NPAS3: variants seen among roughly 807,000 people sequenced by gnomAD.
NPAS3 encodes neuronal PAS domain-containing protein 3.
A neutral mutation model predicts 73.1 loss-of-function variants in NPAS3; 14 were observed. That is an observed-to-expected ratio of 0.19 (90% confidence interval 0.13 to 0.30). The LOEUF (loss-of-function observed/expected upper bound fraction) is 0.30. Ranked by LOEUF, NPAS3 falls within the 10% of genes least tolerant of loss-of-function variation. NPAS3 has a pLI of 1.00. For missense variants in NPAS3, 1,096 were observed against 1,250.0 expected (o/e 0.88, Z 1.86); for synonymous variants, 620 against 541.5 (o/e 1.14, Z -2.01).
intron 4 of NPAS3, among the ~76,000 whole-genome samples, chr14:33,519,892 G>A (rs1443166954): frequency 1.3e-5 from 2 of 152,086 alleles, no homozygotes; most frequent in African/African-American, 4.8e-5. Flanking sequence ...CTCCTTGGGA[G>A]GTACGTTAGG....
At chr14:33,129,846 T>C (rs7148802) in intron 2 of NPAS3, among the ~76,000 whole-genome samples, 31,887 of 152,070 alleles carry the variant, frequency 0.21, 3,499 homozygotes, top group African/African-American at 0.22. Flanking sequence ...AAAGAGAATT[T>C]GCGATAATTT....
At chr14:33,595,410 A>T (rs2057205121) in intron 5 of NPAS3, among the ~76,000 whole-genome samples, 1 of 152,208 alleles carries the variant, frequency 6.6e-6, no homozygotes, top group Non-Finnish European at 1.5e-5. Flanking sequence ...AAACTGGAGA[A>T]ATCGGCTGTA....
intron 4 of NPAS3, among the ~76,000 whole-genome samples, chr14:33,406,316 A>G (rs2047664180): frequency 6.6e-6 from 1 of 152,110 alleles, no homozygotes; most frequent in African/African-American, 2.4e-5. Context: ...AGTAGAGTGT[A>G]AAAGAGATGG....
At chr14:32,987,226 A>ATTTT (rs201588607) in intron 1 of NPAS3, among the ~76,000 whole-genome samples, 6 of 141,896 alleles carry the variant, frequency 4.2e-5, no homozygotes, top group African/African-American at 1.3e-4. Context: ...TTGTGTCAGA[A>ATTTT]TTTTTTTTTT....
intron 1 of NPAS3, among the ~76,000 whole-genome samples, chr14:33,037,958 C>T (rs181611977): frequency 5.2e-4 from 79 of 152,302 alleles, no homozygotes; most frequent in African/African-American, 1.7e-3. Context: ...GGCATCGGGT[C>T]TATAGAAGCA....
rs184593009 is a variant in NPAS3 at position 33,064,315 on chromosome 14, A to G, written c.140+8321A>G. ...AAGACATCTCTTTTAATGAGAAGAT[A>G]AACAATTAATATACCTCCCTTAATT... On this transcript the variant is annotated intron_variant, in intron 2 of 11. Coordinates refer to ENST00000356141, the Ensembl canonical transcript of NPAS3. 5.5e-3 allele frequency among the ~76,000 whole-genome samples: 842 copies of G among 152,356 alleles called. 3 individuals carry two copies. The highest frequency in any genetic ancestry group is 8.7e-3 in the Non-Finnish European group (590 of 68,036).
At chr14:33,600,367 G>A (rs1270472097) in intron 5 of NPAS3, among the ~76,000 whole-genome samples, 1 of 152,100 alleles carries the variant, frequency 6.6e-6, no homozygotes, top group Non-Finnish European at 1.5e-5. Context: ...TTCTCTTTAT[G>A]CATTTTCTCC....
At chr14:33,295,737 A>G (rs559882223) in intron 3 of NPAS3, among the ~76,000 whole-genome samples, 1 of 152,224 alleles carries the variant, frequency 6.6e-6, no homozygotes, top group Non-Finnish European at 1.5e-5. Context: ...AGAGTCCATA[A>G]GGAGTTATAT....
At chr14:33,458,431 G>C (rs1312614002) in intron 4 of NPAS3, among the ~76,000 whole-genome samples, 2 of 152,114 alleles carry the variant, frequency 1.3e-5, no homozygotes, top group African/African-American at 2.4e-5. Flanking sequence ...CTGATGTTCA[G>C]AACTTCTTTT....
At chr14:33,336,764 G>A (rs1272641651) in intron 3 of NPAS3, among the ~76,000 whole-genome samples, 1 of 152,160 alleles carries the variant, frequency 6.6e-6, no homozygotes, top group Non-Finnish European at 1.5e-5. Context: ...TACATGATCT[G>A]TACTCCAGAG....
Position 33,207,327 on chromosome 14 carries a change from A to C in NPAS3, c.141-7855A>C, listed in dbSNP as rs1958002. On this transcript the variant is annotated intron_variant, in intron 2 of 11. Coordinates refer to ENST00000356141, the Ensembl canonical transcript of NPAS3. ...TTCACAAATCGCATGCAGTTGCCTA[A>C]TGAGTCCATATTTGCTTCTGAGTTT... 8.8e-4 allele frequency among the ~76,000 whole-genome samples: 134 copies of C among 151,832 alleles called. 2 individuals carry two copies. In the East Asian group the frequency reaches 0.023, roughly 26 times the overall value.
intron 2 of NPAS3, among the ~76,000 whole-genome samples, chr14:33,178,946 C>T (rs753321972): frequency 6.6e-6 from 1 of 152,144 alleles, no homozygotes; most frequent in Non-Finnish European, 1.5e-5. Context: ...GCTAGCTGCA[C>T]ATTTTTTGCA....
At chr14:33,013,509 A>G (rs1476661435) in intron 1 of NPAS3, among the ~76,000 whole-genome samples, 1 of 152,158 alleles carries the variant, frequency 6.6e-6, no homozygotes, top group Non-Finnish European at 1.5e-5. Context: ...GTGTACAGAA[A>G]TGTAAAGACA....
chr14:33,676,203 C>T lies in NPAS3; in HGVS notation c.559-8C>T. 6.2e-7 allele frequency: 1 copy of T among 1,613,480 alleles called. No individual in the cohort carries two copies. The highest frequency in any genetic ancestry group is 8.5e-7 in the Non-Finnish European group (1 of 1,179,630). ...TCTTTCCTTCCCACCCTTTCTCTCG[C>T]CCTCTAGGTGGAGCTGACAGGCAGC... On this transcript the variant is annotated splice_polypyrimidine_tract_variant and splice_region_variant and intron_variant, in intron 5 of 11. Coordinates refer to ENST00000356141, the Ensembl canonical transcript of NPAS3.
upstream of NPAS3, among the ~76,000 whole-genome samples, chr14:32,935,515 G>A (rs966951585): frequency 1.3e-5 from 2 of 152,166 alleles, no homozygotes; most frequent in African/African-American, 4.8e-5. Flanking sequence ...TTACTACAGG[G>A]AAATACAGCA....
intron 3 of NPAS3, among the ~76,000 whole-genome samples, chr14:33,349,225 A>G (rs949900142): frequency 6.6e-6 from 1 of 152,370 alleles, no homozygotes; most frequent in African/African-American, 2.4e-5. Flanking sequence ...TGTCAAAAAT[A>G]TAACTTAAAT....
intron 2 of NPAS3, among the ~76,000 whole-genome samples, chr14:33,203,506 G>A (rs1566673104): frequency 6.6e-6 from 1 of 152,014 alleles, no homozygotes. Context: ...GGTGTGTGAT[G>A]TTCCCCTTCC....
chr14:33,450,512 AC>A (rs1183483790), intron 4 of NPAS3, among the ~76,000 whole-genome samples: 2 of 152,172 alleles, frequency 1.3e-5, no homozygotes, highest in Admixed American at 1.3e-4. Context: ...CCTGAAAAAA[AC>A]ATCTGAGTCT....
intron 3 of NPAS3, among the ~76,000 whole-genome samples, chr14:33,247,416 G>A (rs2048431278): frequency 6.6e-6 from 1 of 151,954 alleles, no homozygotes; most frequent in African/African-American, 2.4e-5. Flanking sequence ...ATTCAGAATT[G>A]CCTTTTTCCT....
Sources: allele counts gnomAD v4.1 joint callset (sites outside exome capture counted in the v4.1 genomes callset), GRCh38; gene constraint gnomAD v4.1.1; transcripts MANE v1.5; gene names NCBI Gene and HGNC (gene_info 2026-07-23, HGNC 2026-07-21).